The following NDUFAF6 variants were observed in gnomAD, a reference collection of about 807,000 sequenced individuals.
NDUFAF6 encodes the protein NADH dehydrogenase (ubiquinone) complex I, assembly factor 6.
A neutral mutation model predicts 40.8 loss-of-function variants in NDUFAF6; 45 were observed. The ratio of observed to expected loss-of-function variants is 1.10; its 90% CI spans 0.87 to 1.42. NDUFAF6 has a LOEUF of 1.42. NDUFAF6 is among the 40% of genes most tolerant of loss of function. The probability of loss-of-function intolerance (pLI) is 0.00; values close to 1 mark genes in which losing one functional copy is unlikely to be tolerated. For missense variants in NDUFAF6, 435 were observed against 418.5 expected (o/e 1.04, Z -0.34); for synonymous variants, 185 against 155.9 (o/e 1.19, Z -1.39).
intron 5 of NDUFAF6, 34 bp from the exon 6 acceptor site, chr8:95,046,955 TTAGAA>T (rs752484303): frequency 3.9e-5 from 63 of 1,613,036 alleles, no homozygotes; most frequent in South Asian, 1.2e-4. Flanking sequence ...TATTATGCAC[TTAGAA>T]TAGAGCAGCC....
At chr8:94,949,142 C>CCCCT (rs1554636028) in intron 2 of NDUFAF6, 35 of 149,524 alleles carry the variant, frequency 2.3e-4, no homozygotes, top group African/African-American at 8.3e-4. Flanking sequence ...CCCGCCCCCC[C>CCCCT]CCGGCACTTA....
chr8:95,088,827 C>T (rs1386051648), intron 2 of NDUFAF6, among the ~76,000 whole-genome samples: 1 of 152,054 alleles, frequency 6.6e-6, no homozygotes, highest in Non-Finnish European at 1.5e-5. Context: ...GTGGCGCCAT[C>T]TCGGCTCACT....
At chr8:95,056,102 C>G (rs1377067047) in intron 8 of NDUFAF6, among the ~76,000 whole-genome samples, 2 of 152,178 alleles carry the variant, frequency 1.3e-5, no homozygotes, top group Non-Finnish European at 2.9e-5. Flanking sequence ...CATGTACACA[C>G]TCTTAATGTT....
intron 1 of NDUFAF6, among the ~76,000 whole-genome samples, chr8:94,896,181 C>G (rs577345926): frequency 1.3e-5 from 2 of 151,848 alleles, no homozygotes; most frequent in East Asian, 3.9e-4. Context: ...TCCTCCTCCC[C>G]CTGAGCGCGG....
chr8:94,927,651 AG>A (rs1820013041), intron 1 of NDUFAF6: 1 of 152,130 alleles, frequency 6.6e-6, no homozygotes. Context: ...CAATTAGTTG[AG>A]AAAAAAAATA....
At chr8:95,029,261 A>G (rs1828547325) in intron 1 of NDUFAF6, among the ~76,000 whole-genome samples, 1 of 152,236 alleles carries the variant, frequency 6.6e-6, no homozygotes, top group Admixed American at 6.5e-5. Flanking sequence ...TGGAGTGAAT[A>G]TGGTAAGGTC....
intron 8 of NDUFAF6, among the ~76,000 whole-genome samples, chr8:95,057,104 A>G (rs1484144490): frequency 2.6e-5 from 4 of 152,194 alleles, no homozygotes; most frequent in African/African-American, 9.7e-5. Context: ...GCTTATGTGG[A>G]CGAGGAGGTC....
intron 1 of NDUFAF6, among the ~76,000 whole-genome samples, chr8:94,980,104 A>G (rs1047767284): frequency 3.3e-5 from 5 of 151,234 alleles, no homozygotes; most frequent in Admixed American, 2.6e-4. Flanking sequence ...CTCAAAGCGA[A>G]AAAAAAAACA....
At chr8:94,907,783 A>G in intron 1 of NDUFAF6, among the ~76,000 whole-genome samples, 1 of 148,356 alleles carries the variant, frequency 6.7e-6, no homozygotes, top group Non-Finnish European at 1.5e-5. Flanking sequence ...TCCATATGTA[A>G]TTAGTAATAG....
chr8:94,922,775 G>GCTGAAT (rs1393547577), intron 1 of NDUFAF6, among the ~76,000 whole-genome samples: 16 of 152,194 alleles, frequency 1.1e-4, no homozygotes, highest in Admixed American at 3.3e-4. Flanking sequence ...CACTGCGCTG[G>GCTGAAT]CTGAATCTGC....
intron 2 of NDUFAF6, among the ~76,000 whole-genome samples, chr8:95,017,170 A>G (rs1318823851): frequency 1.4e-5 from 2 of 138,734 alleles, no homozygotes; most frequent in African/African-American, 5.5e-5. Context: ...CAAACTCCTC[A>G]GCTCAGCTGA....
At chr8:94,926,059 C>G (rs1819862953) in intron 1 of NDUFAF6, 1 of 152,594 alleles carries the variant, frequency 6.6e-6, no homozygotes, top group Non-Finnish European at 1.5e-5. Context: ...TTACAAAGAA[C>G]AGGTGTTAAC....
rs374244153 is a variant in NDUFAF6, at chr8:94,932,584, G to A, written c.-935-12899G>A. On this transcript the variant is annotated intron_variant, in intron 1 of 14. Transcript: ENST00000396113. ...TTTGGGAGGCTGAGGCGGGCGGATCGTGAGGTCAGGAGATCAAGACCATCC... is the reference window on the plus strand; with the variant it reads ...TTTGGGAGGCTGAGGCGGGCGGATCATGAGGTCAGGAGATCAAGACCATCC... Among the ~76,000 whole-genome samples the A allele has an allele frequency of 4.8e-4, 73 of 152,154 alleles. 1 individual carries two copies. Among genetic ancestry groups the A allele is most frequent in the African/African-American group, 1.6e-3 (67 of 41,530 alleles).
Position 94,904,320 on chromosome 8 carries a change from C to CTCTT in NDUFAF6, c.-936+8394_-936+8395insCTTT, listed in dbSNP as rs1818238227. ...CATCACACCTGGCTAATTTTTTTTGCTTTTTTTTTTTTTTTTTTTTTTTTT... is the reference window on the plus strand; with the variant it reads ...CATCACACCTGGCTAATTTTTTTTGCTCTTTTTTTTTTTTTTTTTTTTTTTTTTT... On this transcript the variant is annotated intron_variant, in intron 1 of 14. Transcript: ENST00000396113. Among the ~76,000 whole-genome samples, 10 of 34,134 alleles carry CTCTT rather than the reference C, an allele frequency of 2.9e-4. 1 individual carries two copies. Among genetic ancestry groups the CTCTT allele is most frequent in the East Asian group, 1.2e-3 (1 of 814 alleles). The allele number at this position is 34,134 out of a possible 152,430, so 22.4% of individuals were successfully genotyped here. A position where few individuals can be genotyped will look rare whatever the true frequency, so the allele number is the denominator to read the frequency against.
chr8:95,057,801 T>A lies in NDUFAF6; in HGVS notation c.874-8T>A, dbSNP rs1346147310. 6 of 1,608,860 alleles carry A rather than the reference T, an allele frequency of 3.7e-6. No individual in the cohort carries two copies. The highest frequency in any genetic ancestry group is 5.1e-6 in the Non-Finnish European group (6 of 1,176,008). Reference sequence around the variant, plus strand: ...ATGATCTGGTGATCACTATTCTCTTTTTTCCAGGTTTCTCTAGAGGACTTT... The same window carrying A: ...ATGATCTGGTGATCACTATTCTCTTATTTCCAGGTTTCTCTAGAGGACTTT... On this transcript the variant is annotated splice_region_variant and splice_polypyrimidine_tract_variant and intron_variant, in intron 8 of 8. Transcript: ENST00000396124.
At chr8:94,974,849 G>C (rs1038760848) in intron 1 of NDUFAF6, 6 of 153,656 alleles carry the variant, frequency 3.9e-5, no homozygotes, top group South Asian at 2.0e-4. Flanking sequence ...TACATAGCCT[G>C]CCAGCTTCAG....
chr8:95,052,151 C>T, intron 7 of NDUFAF6, 23 bp from the exon 8 acceptor site: 1 of 1,613,404 alleles, frequency 6.2e-7, no homozygotes, highest in Non-Finnish European at 8.5e-7. Context: ...TTTGAACGAG[C>T]TTCCTCTCCT....
In NDUFAF6 at chr8:94,932,033, T is replaced by C. The variant is rs760770345; in HGVS notation, c.-935-13450T>C. The C allele has an allele frequency of 9.4e-6, 15 of 1,595,218 alleles. No individual in the cohort carries two copies. In the Middle Eastern group the frequency reaches 2.2e-3, roughly 229 times the overall value. On this transcript the variant is annotated intron_variant, in intron 1 of 14. Transcript: ENST00000396113. ...TTTGGGTCCTTTGCCTCCCTATGCA[T>C]ACATATATCACACAGTCTCAAAGTG...
At chr8:94,998,379 T>TACACACACAC (rs200968954) in intron 2 of NDUFAF6, among the ~76,000 whole-genome samples, 36 of 138,414 alleles carry the variant, frequency 2.6e-4, no homozygotes, top group Non-Finnish European at 3.4e-4. Context: ...TGCAATCAAA[T>TACACACACAC]ACACACACAC....
Sources: gnomAD v4.1 joint callset for allele counts (sites outside exome capture counted in the v4.1 genomes callset) on GRCh38, gnomAD v4.1.1 for gene constraint, MANE v1.5 for transcripts, NCBI Gene and HGNC (gene_info 2026-07-23, HGNC 2026-07-21) for gene names.